Variants in BSN observed in about 807,000 individuals in gnomAD.
The protein encoded by BSN is protein bassoon.
In BSN, 57 loss-of-function variants were observed where a neutral mutation model predicts 264.8. That is an observed-to-expected ratio of 0.22 (90% CI 0.17 to 0.27). The LOEUF is 0.27. Ranked by LOEUF, BSN falls within the 10% of genes least tolerant of loss-of-function variation. The pLI is 1.00. For synonymous variants in BSN, 2,059 were observed against 2,137.3 expected (o/e 0.96, Z 1.01); for missense variants, 4,615 against 5,232.5 (o/e 0.88, Z 3.64).
In BSN at chr3:49,650,648, C is replaced by A. The variant is rs551158194; in HGVS notation, c.1555C>A (p.Arg519=). ...GCTCTGTCTGAACTGCCAAACCAAG[C>A]GGCTACTGGAGGGCAGCCTAGGAGA... ...EWLCLNCQTK[R]LLEGSLGEPT... is the part of the protein sequence containing the mutation. The change falls in exon 4 of 12, where the codon CGG becomes AGG. Residue 519 remains arginine, a synonymous_variant. Coordinates refer to ENST00000296452, the MANE Select transcript of BSN (RefSeq NM_003458.4). 5 of 1,607,618 alleles carry A rather than the reference C, an allele frequency of 3.1e-6. No homozygotes were observed. In the East Asian group the frequency reaches 8.9e-5, roughly 29 times the overall value.
rs762829169 is a variant in BSN at position 49,652,542 on chromosome 3, C to G, written c.2986C>G (p.Pro996Ala). 1 of 1,613,676 alleles carries G rather than the reference C, an allele frequency of 6.2e-7. No individual in the cohort carries two copies. Among genetic ancestry groups the G allele is most frequent in the Non-Finnish European group, 8.5e-7 (1 of 1,179,994 alleles). Reference sequence around the variant, plus strand: ...ACCCAGCTACACCTCGGGCACCTCTCCCACCTCTCTGTCCTCCCTAGAGGA... The same window carrying G: ...ACCCAGCTACACCTCGGGCACCTCTGCCACCTCTCTGTCCTCCCTAGAGGA... ...STPSYTSGTSPTSLSSLEEDS... is the reference protein window; with the variant it reads ...STPSYTSGTSATSLSSLEEDS... The change falls in exon 5 of 12, where the codon CCC becomes GCC. Residue 996 changes from proline to alanine, a missense_variant. This residue lies in a region of BSN where 1,197 missense variants were observed against 1,348.0 expected (regional missense o/e 0.89). Transcript: ENST00000296452.
At chr3:49,569,443 T>C (rs2051779946) in intron 1 of BSN, among the ~76,000 whole-genome samples, 1 of 152,196 alleles carries the variant, frequency 6.6e-6, no homozygotes, top group Admixed American at 6.5e-5. Context: ...ATTAAGTGCC[T>C]ACTAGTTGAT....
chr3:49,673,060 TGAGC>T (rs1225406146), downstream of BSN, among the ~76,000 whole-genome samples: 2 of 134,186 alleles, frequency 1.5e-5, no homozygotes, highest in Non-Finnish European at 3.1e-5. Flanking sequence ...ATTACAGGCG[TGAGC>T]CACCGCGCCC....
At chr3:49,578,115 A>G (rs1302621247) in intron 1 of BSN, among the ~76,000 whole-genome samples, 2 of 152,168 alleles carry the variant, frequency 1.3e-5, no homozygotes, top group Non-Finnish European at 2.9e-5. Flanking sequence ...ACACTAATAC[A>G]TGCTTACAAT....
rs1429179408 is a variant in BSN at position 49,657,073 on chromosome 3, C to G, written c.7517C>G (p.Thr2506Arg). The change falls in exon 5 of 12, where the codon ACA becomes AGA. Residue 2506 changes from threonine (T) to arginine (R), a missense_variant. By Grantham distance (71) the Thr-to-Arg change is moderately conservative (BLOSUM62 -1). Around this residue, in one of 3 missense-constraint regions of BSN, gnomAD observed 3,415 missense variants for 3,866.4 expected, o/e 0.88. Coordinates refer to ENST00000296452, the MANE Select transcript of BSN (RefSeq NM_003458.4). The stretch of plus-strand genomic sequence containing the variant: ...AATGGCCAGTATTGGCCCCCCCTTA[C>G]ACATGCAGCCTTCATTGCCATGGCA... ...AQNGQYWPPLTHAAFIAMAGP... is the reference protein window; with the variant it reads ...AQNGQYWPPLRHAAFIAMAGP... 3.7e-6 allele frequency: 6 copies of G among 1,609,564 alleles called. No homozygotes were observed. In the South Asian group the frequency reaches 6.6e-5, roughly 18 times the overall value.
At chr3:49,569,238 AGCACTTCACCTGCAAGT>A (rs1224332721) in intron 1 of BSN, among the ~76,000 whole-genome samples, 1 of 152,126 alleles carries the variant, frequency 6.6e-6, no homozygotes, top group Non-Finnish European at 1.5e-5. Context: ...AAAATAAAGT[AGCACTTCACCTGCAAGT>A]GCTTTAATAT....
At chr3:49,588,598 C>T (rs2051953345) in intron 1 of BSN, among the ~76,000 whole-genome samples, 2 of 152,136 alleles carry the variant, frequency 1.3e-5, no homozygotes, top group Admixed American at 1.3e-4. Flanking sequence ...ACTGCTATCA[C>T]TACATCCAAT....
Position 49,650,856 on chromosome 3 carries a change from C to T in BSN, c.1763C>T (p.Pro588Leu). The change falls in exon 4 of 12, where the codon CCC (proline) becomes CTC (leucine). Residue 588 changes from proline (P) to leucine (L), a missense_variant. By Grantham distance (98) the Pro-to-Leu change is moderately conservative. Around this residue, in one of 3 missense-constraint regions of BSN, gnomAD observed 1,197 missense variants for 1,348.0 expected, o/e 0.89. Transcript: ENST00000296452. ...KASPLPSKAS[P>L]QAKPLRASEP... ...AGCCCTCTGCCCAGCAAGGCCAGCC[C>T]CCAGGCCAAGCCCCTCAGGGCTTCT... 1.9e-6 allele frequency: 3 copies of T among 1,614,216 alleles called. No individual in the cohort carries two copies. Among genetic ancestry groups the T allele is most frequent in the Non-Finnish European group, 2.5e-6 (3 of 1,180,036 alleles).
chr3:49,619,783 G>A (rs1470146317), intron 1 of BSN, among the ~76,000 whole-genome samples: 2 of 152,164 alleles, frequency 1.3e-5, no homozygotes, highest in Non-Finnish European at 2.9e-5. Flanking sequence ...CCAGAGAAGG[G>A]CCGAGTGTCA....
At chr3:49,649,410 C>G (rs1043105345) in intron 3 of BSN, among the ~76,000 whole-genome samples, 1 of 152,234 alleles carries the variant, frequency 6.6e-6, no homozygotes, top group African/African-American at 2.4e-5. Flanking sequence ...AGAGTAAGAA[C>G]AGGCACAGGT....
At chr3:49,664,692 C>A in intron 9 of BSN, 107 bp from the exon 10 acceptor site, 2 of 1,554,188 alleles carry the variant, frequency 1.3e-6, no homozygotes, top group Admixed American at 1.8e-5. Flanking sequence ...GTTCTCCGGG[C>A]AATCTCTGCC....
At position 49,625,841 on chromosome 3, in the gene BSN, G is replaced by C. The variant is rs2052338394; in HGVS notation, c.633+458G>C. On this transcript the variant is annotated intron_variant, in intron 2 of 11. Coordinates refer to ENST00000296452, the MANE Select transcript of BSN (RefSeq NM_003458.4). The surrounding 1 kb of genome is among the most constrained non-coding windows in gnomAD (Gnocchi z 4.4). ...TGGGGATGCTGGTGAGGGGAGAAAA[G>C]TTTCAGGGGAGGCAGGAAACTGCCT... Among the ~76,000 whole-genome samples the C allele has an allele frequency of 6.6e-6, 1 of 152,228 alleles. No individual in the cohort carries two copies. The highest frequency in any genetic ancestry group is 6.5e-5 in the Admixed American group (1 of 15,284).
At chr3:49,580,296 G>A (rs1488799681) in intron 1 of BSN, among the ~76,000 whole-genome samples, 9 of 152,122 alleles carry the variant, frequency 5.9e-5, no homozygotes, top group Admixed American at 5.2e-4. Flanking sequence ...AATGAGTTGA[G>A]AAGTGTTTTA....
intron 2 of BSN, chr3:49,640,398 AAAC>A (rs2052454916): frequency 6.6e-6 from 1 of 152,254 alleles, no homozygotes; most frequent in African/African-American, 2.4e-5. Context: ...GACACCTTGT[AAAC>A]AACAAATCAG....
In BSN at chr3:49,654,873, C is replaced by G; in HGVS notation, c.5317C>G (p.Gln1773Glu). Residue 1773 changes from glutamine to glutamate, a missense_variant, in exon 5 of 12, where the codon CAG becomes GAG. Gln to Glu is a conservative substitution (Grantham distance 29). Coordinates refer to ENST00000296452, the MANE Select transcript of BSN (RefSeq NM_003458.4). The surrounding 1 kb of genome is among the most constrained non-coding windows in gnomAD (Gnocchi z 4.1). Reference sequence around the variant, plus strand: ...TGGGGGTAGCCCTGTGTGCCTGGCCCAGGTCAAACAAGTAGAGCAGGCTGT... The same window carrying G: ...TGGGGGTAGCCCTGTGTGCCTGGCCGAGGTCAAACAAGTAGAGCAGGCTGT... ...QGGGSPVCLA[Q>E]VKQVEQAVQT... 1.2e-6 allele frequency: 2 copies of G among 1,613,456 alleles called. No individual in the cohort carries two copies. The highest frequency in any genetic ancestry group is 1.6e-4 in the Middle Eastern group (1 of 6,062).
In BSN at chr3:49,652,756, T is replaced by C; in HGVS notation, c.3200T>C (p.Ile1067Thr). The C allele has an allele frequency of 6.4e-7, 1 of 1,553,428 alleles. No individual in the cohort carries two copies. The highest frequency in any genetic ancestry group is 8.7e-7 in the Non-Finnish European group (1 of 1,150,600). ...ATGCGGGAGGTGGAGCAGCAGCGCA[T>C]CCGCAGCACGGCCCGCAAGACCCGG... ...EKMREVEQQR[I>T]RSTARKTRRD... Residue 1067 changes from isoleucine to threonine, a missense_variant, in exon 5 of 12, where the codon ATC (isoleucine) becomes ACC (threonine). By Grantham distance (89) the Ile-to-Thr change is moderately conservative (BLOSUM62 -1). Around this residue, in one of 3 missense-constraint regions of BSN, gnomAD observed 3,415 missense variants for 3,866.4 expected, o/e 0.88. Transcript: ENST00000296452.
In BSN at chr3:49,652,128, G is replaced by C. The variant is rs1205961439; in HGVS notation, c.2572G>C (p.Glu858Gln). 2 of 1,613,906 alleles carry C rather than the reference G, an allele frequency of 1.2e-6. No homozygotes were observed. Among genetic ancestry groups the C allele is most frequent in the South Asian group, 1.1e-5 (1 of 91,060 alleles). ...GATGAGCGCCGAGGAAGACAACCTG[G>C]AGGAGGATGACACTGCCACCTCCGG... is the stretch of plus-strand genomic sequence containing the variant. The part of the protein sequence containing the change: ...LEMSAEEDNL[E>Q]EDDTATSGRG... The change falls in exon 5 of 12, where the codon GAG becomes CAG. Residue 858 changes from glutamate to glutamine, a missense_variant. By Grantham distance (29) the Glu-to-Gln change is conservative (BLOSUM62 2). This residue lies in a region of BSN where 1,197 missense variants were observed against 1,348.0 expected (regional missense o/e 0.89). Transcript: ENST00000296452.
Position 49,656,060 on chromosome 3 carries a change from G to A in BSN, c.6504G>A (p.Gly2168=), listed in dbSNP as rs2052596146. ...GTCCTGGGAACTTGGCCCAGTATGG[G>A]CCTGCAGCAGGCCAAGGAACAGCAG... is the stretch of plus-strand genomic sequence containing the variant. ...HPSPGNLAQY[G]PAAGQGTAVR... The change falls in exon 5 of 12, where the codon GGG becomes GGA. Residue 2168 remains glycine (G), a synonymous_variant. Coordinates refer to ENST00000296452, the MANE Select transcript of BSN (RefSeq NM_003458.4). The A allele has an allele frequency of 1.9e-6, 3 of 1,608,554 alleles. No individual in the cohort carries two copies. The highest frequency in any genetic ancestry group is 1.3e-5 in the African/African-American group (1 of 74,900).
At chr3:49,555,568 A>C (rs1575422344) in intron 1 of BSN, among the ~76,000 whole-genome samples, 1 of 152,382 alleles carries the variant, frequency 6.6e-6, no homozygotes, top group East Asian at 1.9e-4. Flanking sequence ...TGCTTTAAAC[A>C]GAACATATCT....
Sources: gnomAD v4.1 joint callset for allele counts (sites outside exome capture counted in the v4.1 genomes callset) on GRCh38, gnomAD v4.1.1 for gene constraint, gnomAD v4.1.1 regional missense constraint, Gnocchi (gnomAD v3.1) non-coding constraint, MANE v1.5 for transcripts, NCBI Gene and HGNC (gene_info 2026-07-23, HGNC 2026-07-21) for gene names.